RFTN1: variants seen among roughly 807,000 people sequenced by gnomAD.
RFTN1 encodes the protein raftlin, lipid raft linker 1.
Under a neutral mutation model 46.5 loss-of-function variants are expected in RFTN1, and 26 were observed. That is an observed-to-expected ratio of 0.56 (90% confidence interval 0.41 to 0.78). The LOEUF (loss-of-function observed/expected upper bound fraction) is 0.78. Ranked by LOEUF, RFTN1 falls within the 30% of genes least tolerant of loss-of-function variation. The pLI is 0.00. For synonymous variants in RFTN1, 261 were observed against 284.2 expected (o/e 0.92, Z 0.82); for missense variants, 693 against 718.7 (o/e 0.96, Z 0.41).
At chr3:16,339,059 G>A (rs983038737) in intron 7 of RFTN1, among the ~76,000 whole-genome samples, 6 of 152,154 alleles carry the variant, frequency 3.9e-5, no homozygotes, top group South Asian at 2.1e-4. Flanking sequence ...AGCTAACAAC[G>A]AACAGAGCCA....
chr3:16,364,911 C>T (rs2073058876), intron 6 of RFTN1, among the ~76,000 whole-genome samples: 1 of 152,186 alleles, frequency 6.6e-6, no homozygotes, highest in African/African-American at 2.4e-5. Flanking sequence ...CTTCTAGGGG[C>T]TTGTTAAGTT....
Position 16,424,788 on chromosome 3 carries a change from T to C in RFTN1, c.332+9063A>G, listed in dbSNP as rs1184919148. ...TCATTATATAAAAATCTCATGAACA[T>C]TTAAATCATTAATAATGTACTTATA... On this transcript the variant is annotated intron_variant, in intron 3 of 9. Transcript: ENST00000334133. The surrounding 1 kb of genome is among the most constrained non-coding windows in gnomAD (Gnocchi z 4.7). Among the ~76,000 whole-genome samples the C allele has an allele frequency of 6.6e-6, 1 of 152,178 alleles. No individual in the cohort carries two copies. Among genetic ancestry groups the C allele is most frequent in the Non-Finnish European group, 1.5e-5 (1 of 68,026 alleles).
At chr3:16,487,157 G>A (rs1000127596) in intron 2 of RFTN1, among the ~76,000 whole-genome samples, 4 of 152,212 alleles carry the variant, frequency 2.6e-5, no homozygotes, top group Non-Finnish European at 2.9e-5. Context: ...CCAGTCTGTG[G>A]TATTTTATTA....
rs1212683756 is a variant in RFTN1 at position 16,374,834 on chromosome 3, G to A, written c.826+2884C>T. ...AGACCAGGAAATAAGTCAGCGAGCA[G>A]GAAGAGGAACCCACGGCGGGCCTCC... On this transcript the variant is annotated intron_variant, in intron 5 of 9. Coordinates refer to ENST00000334133, the MANE Select transcript of RFTN1 (RefSeq NM_015150.2). The surrounding 1 kb of genome is among the most constrained non-coding windows in gnomAD (Gnocchi z 5.4). Among the ~76,000 whole-genome samples the A allele has an allele frequency of 6.6e-6, 1 of 152,200 alleles. No individual in the cohort carries two copies. The highest frequency in any genetic ancestry group is 1.5e-5 in the Non-Finnish European group (1 of 68,042).
intron 1 of RFTN1, among the ~76,000 whole-genome samples, chr3:16,494,694 T>C (rs532020722): frequency 1.3e-5 from 2 of 152,348 alleles, no homozygotes; most frequent in African/African-American, 4.8e-5. Flanking sequence ...TTAAAAGCAA[T>C]GAAGGCTCTC....
intron 2 of RFTN1, among the ~76,000 whole-genome samples, chr3:16,485,671 A>G (rs1048372711): frequency 3.3e-5 from 5 of 152,244 alleles, no homozygotes; most frequent in African/African-American, 1.2e-4. Flanking sequence ...GGTGATGGAA[A>G]AGTTTTATAT....
intron 2 of RFTN1, among the ~76,000 whole-genome samples, chr3:16,461,186 C>CA (rs1305743823): frequency 6.6e-6 from 1 of 151,998 alleles, no homozygotes; most frequent in African/African-American, 2.4e-5. Flanking sequence ...CCATCTTTGA[C>CA]AAGGAATAAG....
At position 16,361,524 on chromosome 3, in the gene RFTN1, C is replaced by T. The variant is rs577688291; in HGVS notation, c.1031-3477G>A. 8.5e-5 allele frequency among the ~76,000 whole-genome samples: 13 copies of T among 152,198 alleles called. No individual in the cohort carries two copies. Among genetic ancestry groups the T allele is most frequent in the South Asian group, 2.1e-4 (1 of 4,814 alleles). On this transcript the variant is annotated intron_variant, in intron 6 of 9. Transcript: ENST00000334133. This position sits in a 1 kb window ranked among gnomAD's most constrained non-coding sequence, Gnocchi z 4.3. ...TTGAAAGAGGCATCAGGGTAGGGCTCCCCACTTCGAGTGAACTAAGCAAGC... is the reference window on the plus strand; with the variant it reads ...TTGAAAGAGGCATCAGGGTAGGGCTTCCCACTTCGAGTGAACTAAGCAAGC...
At chr3:16,454,429 C>G (rs2124914392) in intron 2 of RFTN1, among the ~76,000 whole-genome samples, 1 of 152,248 alleles carries the variant, frequency 6.6e-6, no homozygotes, top group Admixed American at 6.5e-5. Context: ...TCTACTAAAT[C>G]AGACCTGCAT....
rs183009722 is a variant in RFTN1 at position 16,489,903 on chromosome 3, A to G, written c.145+3822T>C. Among the ~76,000 whole-genome samples the G allele has an allele frequency of 2.6e-4, 39 of 152,238 alleles. No individual in the cohort carries two copies. Among genetic ancestry groups the G allele is most frequent in the Admixed American group, 1.0e-3 (16 of 15,282 alleles). On this transcript the variant is annotated intron_variant, in intron 2 of 9. Transcript: ENST00000334133. This position sits in a 1 kb window ranked among gnomAD's most constrained non-coding sequence, Gnocchi z 4.0. ...AGCCTAGGTGACAGAGCGAGACTCC[A>G]TGTCAAAAAAAAACAAAATAAAGAA...
intron 7 of RFTN1, among the ~76,000 whole-genome samples, chr3:16,355,843 T>C (rs149335059): frequency 6.6e-6 from 1 of 152,356 alleles, no homozygotes; most frequent in East Asian, 1.9e-4. Context: ...ATTTTATAGA[T>C]GATTTTGGAT....
chr3:16,382,257 G>T lies in RFTN1; in HGVS notation c.442-4155C>A, dbSNP rs9860242. On this transcript the variant is annotated intron_variant, in intron 4 of 9. Transcript: ENST00000334133. The surrounding 1 kb of genome is among the most constrained non-coding windows in gnomAD (Gnocchi z 4.7). ...GGTGCGTAGTCCTTTTTAACTAGAC[G>T]ACCACATTTAGATTTTATGAAGATC... Among the ~76,000 whole-genome samples the T allele has an allele frequency of 6.6e-6, 1 of 152,198 alleles. No homozygotes were observed.
chr3:16,389,236 C>A (rs554999459), intron 4 of RFTN1, among the ~76,000 whole-genome samples: 1 of 152,208 alleles, frequency 6.6e-6, no homozygotes, highest in African/African-American at 2.4e-5. Flanking sequence ...GTGATTCCCA[C>A]GACTCCAGAC....
intron 2 of RFTN1, among the ~76,000 whole-genome samples, chr3:16,471,509 C>T (rs906860813): frequency 3.3e-5 from 5 of 152,264 alleles, no homozygotes; most frequent in African/African-American, 7.2e-5. Context: ...GGTGCACAGT[C>T]GAGTGCTTAA....
In RFTN1 at chr3:16,345,895, C is replaced by A. The variant is rs951236469; in HGVS notation, c.1146+12037G>T. ...CTACTGGTTCTGTTTTACTGGAGAA[C>A]CCTAATACACTTCTTTCTTGTTGTT... is the stretch of plus-strand genomic sequence containing the variant. On this transcript the variant is annotated intron_variant, in intron 7 of 9. Transcript: ENST00000334133. This position sits in a 1 kb window ranked among gnomAD's most constrained non-coding sequence, Gnocchi z 5.2. 6.6e-6 allele frequency: 1 copy of A among 151,644 alleles called. No homozygotes were observed. The highest frequency in any genetic ancestry group is 1.5e-5 in the Non-Finnish European group (1 of 67,960). The allele number at this position is 151,644 out of a possible 1,614,324, so 9.4% of individuals were successfully genotyped here.
At position 16,385,960 on chromosome 3, in the gene RFTN1, C is replaced by A. The variant is rs2074158232; in HGVS notation, c.442-7858G>T. Among the ~76,000 whole-genome samples, 1 of 152,336 alleles carries A rather than the reference C, an allele frequency of 6.6e-6. No individual in the cohort carries two copies. The highest frequency in any genetic ancestry group is 2.4e-5 in the African/African-American group (1 of 41,588). ...GAATCTGCTGCCCCCTCCAAGGCTGCAAGACCCCCAGGCTTCCATTAAATG... is the reference window on the plus strand; with the variant it reads ...GAATCTGCTGCCCCCTCCAAGGCTGAAAGACCCCCAGGCTTCCATTAAATG... On this transcript the variant is annotated intron_variant, in intron 4 of 9. Coordinates refer to ENST00000334133, the MANE Select transcript of RFTN1 (RefSeq NM_015150.2). The surrounding 1 kb of genome is among the most constrained non-coding windows in gnomAD (Gnocchi z 5.0).
rs1294004588 is a variant in RFTN1, at chr3:16,500,578, G to A, written c.-8-6701C>T. Reference sequence around the variant, plus strand: ...AGGAAAATAAAGTAATCAGAAGAAGGTTCCGAGACCCGAACTGCAAGAAGA... The same window carrying A: ...AGGAAAATAAAGTAATCAGAAGAAGATTCCGAGACCCGAACTGCAAGAAGA... On this transcript the variant is annotated intron_variant, in intron 1 of 9. Coordinates refer to ENST00000334133, the MANE Select transcript of RFTN1 (RefSeq NM_015150.2). This position sits in a 1 kb window ranked among gnomAD's most constrained non-coding sequence, Gnocchi z 5.9. Among the ~76,000 whole-genome samples the A allele has an allele frequency of 6.6e-6, 1 of 152,148 alleles. No individual in the cohort carries two copies. The highest frequency in any genetic ancestry group is 2.4e-5 in the African/African-American group (1 of 41,436).
At chr3:16,486,854 G>C (rs1020242197) in intron 2 of RFTN1, among the ~76,000 whole-genome samples, 44 of 152,238 alleles carry the variant, frequency 2.9e-4, no homozygotes, top group African/African-American at 1.1e-3. Flanking sequence ...AAGTAATGAA[G>C]GTCAAATCAT....
At position 16,317,316 on chromosome 3, in the gene RFTN1, A is replaced by C; in HGVS notation, c.1333-84T>G. ...CAAAGCCTTGTTTGCATTCATACCC[A>C]CACCATGTCTGAGTGAGACATACAA... On this transcript the variant is annotated intron_variant, in intron 9 of 9. Transcript: ENST00000334133. The surrounding 1 kb of genome is among the most constrained non-coding windows in gnomAD (Gnocchi z 4.3). 1.4e-6 allele frequency: 2 copies of C among 1,411,534 alleles called. No individual in the cohort carries two copies. Among genetic ancestry groups the C allele is most frequent in the Non-Finnish European group, 9.7e-7 (1 of 1,027,244 alleles). 87.4% of individuals were successfully genotyped at this position (1,411,534 alleles called of 1,614,324 possible).
Sources: allele counts gnomAD v4.1 joint callset (sites outside exome capture counted in the v4.1 genomes callset), GRCh38; gene constraint gnomAD v4.1.1; non-coding constraint Gnocchi (gnomAD v3.1); transcripts MANE v1.5; gene names NCBI Gene and HGNC (gene_info 2026-07-23, HGNC 2026-07-21).